The following RERG variants were observed in gnomAD, a reference collection of about 807,000 sequenced individuals.
The protein encoded by RERG is RAS like estrogen regulated growth inhibitor.
In RERG, 25 loss-of-function variants were observed where a neutral mutation model predicts 23.2. The ratio of observed to expected loss-of-function variants is 1.08; its 90% CI spans 0.79 to 1.50. RERG has a LOEUF of 1.50. Among genes scored for constraint, RERG ranks in the 40% most tolerant of loss-of-function variants. RERG has a pLI of 0.00. For synonymous variants in RERG, 81 were observed against 89.1 expected, an observed-to-expected ratio of 0.91 and a Z score of 0.51; for missense variants, 253 against 250.1, an observed-to-expected ratio of 1.01 and a Z score of -0.08.
At chr12:15,166,219 G>C (rs1157708290) in intron 2 of RERG, among the ~76,000 whole-genome samples, 1 of 152,186 alleles carries the variant, frequency 6.6e-6, no homozygotes, top group Non-Finnish European at 1.5e-5. Flanking sequence ...GTAGCAAGGA[G>C]GCCTAGAGAG....
At chr12:15,144,825 T>C (rs1364708501) in intron 2 of RERG, among the ~76,000 whole-genome samples, 1 of 152,214 alleles carries the variant, frequency 6.6e-6, no homozygotes, top group East Asian at 1.9e-4. Flanking sequence ...ATCACACAAA[T>C]CTAATGATAT....
intron 2 of RERG, among the ~76,000 whole-genome samples, chr12:15,191,842 A>C (rs1365598519): frequency 6.6e-6 from 1 of 152,056 alleles, no homozygotes; most frequent in Non-Finnish European, 1.5e-5. Flanking sequence ...AGATCCATGC[A>C]CTTCTCTTAT....
intron 2 of RERG, among the ~76,000 whole-genome samples, chr12:15,123,059 A>C (rs1042287728): frequency 6.6e-6 from 1 of 152,128 alleles, no homozygotes; most frequent in Non-Finnish European, 1.5e-5. Flanking sequence ...GGCCTCCCAA[A>C]GTGCTGGAAT....
At chr12:15,180,772 A>C (rs1864913150) in intron 2 of RERG, among the ~76,000 whole-genome samples, 1 of 152,138 alleles carries the variant, frequency 6.6e-6, no homozygotes, top group African/African-American at 2.4e-5. Flanking sequence ...ACAGGCTAAA[A>C]GCCTCACTTC....
chr12:15,148,847 G>GTT lies in RERG; in HGVS notation c.62-27730_62-27729dup, dbSNP rs56033971. ...AATTCATTTGCAGTCCTTTAACTCT[G>GTT]TTTTTTTTTTTTTTTTTTTTTTTTT... On this transcript the variant is annotated intron_variant, in intron 2 of 4. Transcript: ENST00000256953. Among the ~76,000 whole-genome samples, 4 of 45,562 alleles carry GTT rather than the reference G, an allele frequency of 8.8e-5. 1 individual carries two copies. Among genetic ancestry groups the GTT allele is most frequent in the African/African-American group, 1.2e-4 (2 of 16,948 alleles). The allele number at this position is 45,562 out of a possible 152,430, so 29.9% of individuals were successfully genotyped here. A position where few individuals can be genotyped will look rare whatever the true frequency, so the allele number is the denominator to read the frequency against.
chr12:15,170,317 G>A (rs1052008959), intron 2 of RERG, among the ~76,000 whole-genome samples: 13 of 152,122 alleles, frequency 8.5e-5, no homozygotes, highest in Middle Eastern at 3.4e-3. Context: ...CACAGGAGGC[G>A]GATGGTGGGG....
intron 2 of RERG, among the ~76,000 whole-genome samples, chr12:15,168,619 T>C (rs1441122132): frequency 6.6e-6 from 1 of 152,208 alleles, no homozygotes; most frequent in Non-Finnish European, 1.5e-5. Context: ...CCCTGGACTG[T>C]GTCCGCAGGT....
chr12:15,179,443 A>C (rs2136127857), intron 2 of RERG, among the ~76,000 whole-genome samples: 1 of 152,280 alleles, frequency 6.6e-6, no homozygotes, highest in African/African-American at 2.4e-5. Flanking sequence ...CACTGTTCAA[A>C]CCCAGGATAA....
chr12:15,147,370 T>C (rs1864352797), intron 2 of RERG, among the ~76,000 whole-genome samples: 2 of 152,230 alleles, frequency 1.3e-5, no homozygotes, highest in African/African-American at 4.8e-5. Context: ...AAACAGTCTT[T>C]ACAAGCCAAA....
At chr12:15,141,501 G>A (rs1591644699) in intron 2 of RERG, among the ~76,000 whole-genome samples, 1 of 152,058 alleles carries the variant, frequency 6.6e-6, no homozygotes, top group Admixed American at 6.6e-5. Flanking sequence ...ATTTTTTAAA[G>A]TTTCTATCTT....
In RERG at chr12:15,133,146, GATATAT is replaced by G. The variant is rs376565973; in HGVS notation, c.62-12033_62-12028del. Among the ~76,000 whole-genome samples, 90 of 125,204 alleles carry G rather than the reference GATATAT, an allele frequency of 7.2e-4. 3 individuals carry two copies. Among genetic ancestry groups the G allele is most frequent in the African/African-American group, 9.0e-4 (28 of 30,994 alleles). The allele number at this position is 125,204 out of a possible 152,430, so 82.1% of individuals were successfully genotyped here. A position where few individuals can be genotyped will look rare whatever the true frequency, so the allele number is the denominator to read the frequency against. ...CTCTTGGGGTTGTATATCCTGTGGA[GATATAT>G]ATATATATATATATATATATATGTA... On this transcript the variant is annotated intron_variant, in intron 2 of 4. Transcript: ENST00000256953.
intron 2 of RERG, among the ~76,000 whole-genome samples, chr12:15,189,842 A>G (rs1350419711): frequency 6.6e-6 from 1 of 152,198 alleles, no homozygotes; most frequent in Non-Finnish European, 1.5e-5. Context: ...AAAAGGCAGA[A>G]GGCCACAGCC....
intron 2 of RERG, among the ~76,000 whole-genome samples, chr12:15,209,840 G>A (rs1865343110): frequency 6.6e-6 from 1 of 152,178 alleles, no homozygotes; most frequent in African/African-American, 2.4e-5. Context: ...GCCTTGCATT[G>A]AGTCATAGAC....
intron 2 of RERG, among the ~76,000 whole-genome samples, chr12:15,148,220 T>C (rs7310970): frequency 0.61 from 92,739 of 151,880 alleles, 29,082 homozygotes; most frequent in Admixed American, 0.73. Context: ...GTAGGTGGAT[T>C]CAAAACAAAA....
chr12:15,110,475 T>TC (rs1863590063), intron 4 of RERG, among the ~76,000 whole-genome samples: 3 of 124,312 alleles, frequency 2.4e-5, no homozygotes, highest in Non-Finnish European at 3.4e-5. Flanking sequence ...TTTTTTTTTT[T>TC]TTTTTTTTTT....
Position 15,217,533 on chromosome 12 carries a change from C to T in RERG, c.-44G>A. On this transcript the variant is annotated 5_prime_UTR_variant, in exon 2 of 5. It adds an upstream start codon to the 5' untranslated region. Coordinates refer to ENST00000256953, the MANE Select transcript of RERG (RefSeq NM_032918.3). ...ATTTACTGTTGTTAAAACTAAAGCA[C>T]TGAGTAAATCTTTTTGGTTCCAGTC... is the stretch of plus-strand genomic sequence containing the variant. 7.4e-7 allele frequency: 1 copy of T among 1,351,178 alleles called. No homozygotes were observed. Among genetic ancestry groups the T allele is most frequent in the South Asian group, 1.2e-5 (1 of 85,692 alleles). The allele number at this position is 1,351,178 out of a possible 1,614,324, so 83.7% of individuals were successfully genotyped here.
At chr12:15,176,296 G>C (rs1405140895) in intron 2 of RERG, among the ~76,000 whole-genome samples, 1 of 152,130 alleles carries the variant, frequency 6.6e-6, no homozygotes, top group East Asian at 1.9e-4. Flanking sequence ...AATTTACAGA[G>C]TGTGACAGAA....
At chr12:15,205,714 G>A (rs1266286484) in intron 2 of RERG, among the ~76,000 whole-genome samples, 1 of 151,912 alleles carries the variant, frequency 6.6e-6, no homozygotes. Context: ...TTAAATTACT[G>A]TCCAATGGCA....
intron 2 of RERG, among the ~76,000 whole-genome samples, chr12:15,190,027 A>G (rs1447600443): frequency 2.0e-5 from 3 of 152,184 alleles, no homozygotes; most frequent in Non-Finnish European, 4.4e-5. Flanking sequence ...GATAAGAGAG[A>G]AGGGTACAGT....
Sources: allele counts gnomAD v4.1 joint callset (sites outside exome capture counted in the v4.1 genomes callset), GRCh38; gene constraint gnomAD v4.1.1; transcripts MANE v1.5; gene names NCBI Gene and HGNC (gene_info 2026-07-23, HGNC 2026-07-21).